The following NDUFAF1 variants were observed in gnomAD, a reference collection of about 807,000 sequenced individuals.
NDUFAF1 encodes the protein complex I intermediate-associated protein 30, mitochondrial.
NDUFAF1 carries 18 observed loss-of-function variants against 28.7 expected under a neutral mutation model. That is an observed-to-expected ratio of 0.63 (90% CI 0.43 to 0.93). The LOEUF is 0.93. Among genes scored for constraint, NDUFAF1 ranks in the 40% least tolerant of loss-of-function variants. The pLI is 0.00. For synonymous variants in NDUFAF1, 113 were observed against 139.7 expected (o/e 0.81, Z 1.35); for missense variants, 404 against 398.3 (o/e 1.01, Z -0.12).
At chr15:41,394,226 G>C (rs2050352939) in intron 3 of NDUFAF1, 2 of 504,518 alleles carry the variant, frequency 4.0e-6, no homozygotes, top group Non-Finnish European at 7.3e-6. Flanking sequence ...AGACAACAGG[G>C]TTTCTCCATG....
At chr15:41,399,238 TACAA>T (rs778964647) in intron 1 of NDUFAF1, among the ~76,000 whole-genome samples, 4 of 149,926 alleles carry the variant, frequency 2.7e-5, no homozygotes, top group Non-Finnish European at 5.9e-5. Context: ...CTACAGAAAA[TACAA>T]ACAATTAGCC....
intron 1 of NDUFAF1, among the ~76,000 whole-genome samples, chr15:41,399,577 G>A (rs1434265788): frequency 6.6e-6 from 1 of 150,518 alleles, no homozygotes; most frequent in Non-Finnish European, 1.5e-5. Context: ...AATACAGGCC[G>A]GGCGCGGTGG....
At position 41,396,483 on chromosome 15, in the gene NDUFAF1, C is replaced by T. The variant is rs1010207325; in HGVS notation, c.573+4G>A. The T allele has an allele frequency of 1.2e-6, 2 of 1,614,076 alleles. No homozygotes were observed. Among genetic ancestry groups the T allele is most frequent in the Non-Finnish European group, 1.7e-6 (2 of 1,179,966 alleles). On this transcript the variant is annotated splice_donor_region_variant and intron_variant, in intron 2 of 4. Transcript: ENST00000260361. The stretch of plus-strand genomic sequence containing the variant: ...GAAAACGATGGCTCCTGGGCCTCAC[C>T]TACCCTTGGAATCCTGGATATCATT...
rs1785152448 is a variant in NDUFAF1 at position 41,392,651 on chromosome 15, T to A, written c.759+2208A>T. Among the ~76,000 whole-genome samples the A allele has an allele frequency of 2.0e-5, 3 of 152,176 alleles. No homozygotes were observed. The South Asian group carries it at 6.2e-4, about 32-fold the overall frequency. Reference sequence around the variant, plus strand: ...GAAGGAGGATGTGTTTACTTCCCCTTCTGCCATGATTTTATAAGTTACCTA... The same window carrying A: ...GAAGGAGGATGTGTTTACTTCCCCTACTGCCATGATTTTATAAGTTACCTA... On this transcript the variant is annotated intron_variant, in intron 3 of 4. Transcript: ENST00000260361.
Position 41,402,364 on chromosome 15 carries a change from A to G in NDUFAF1, c.-302T>C, listed in dbSNP as rs568813766. On this transcript the variant is annotated 5_prime_UTR_variant, in exon 1 of 5. Coordinates refer to ENST00000260361, the MANE Select transcript of NDUFAF1 (RefSeq NM_016013.4). ...GGCTAGACGGTTCGCCGCGCTGGGG[A>G]GGCCCCCTCAACCCTCAAGTGCCAG... The G allele has an allele frequency of 1.1e-5, 5 of 453,428 alleles. No homozygotes were observed. Among genetic ancestry groups the G allele is most frequent in the Admixed American group, 2.4e-5 (1 of 42,550 alleles). The allele number at this position is 453,428 out of a possible 1,614,324, so 28.1% of individuals were successfully genotyped here.
Position 41,388,497 on chromosome 15 carries a change from G to C in NDUFAF1, c.785C>G (p.Ser262Cys), listed in dbSNP as rs201756363. 6.2e-7 allele frequency: 1 copy of C among 1,612,782 alleles called. No individual in the cohort carries two copies. The highest frequency in any genetic ancestry group is 2.2e-5 in the East Asian group (1 of 44,872). ...AACATCCCGGATTCTTCCTCGATTA[G>C]AGAAGAAAAATTTGGAAAAAGGAAT... ...VKIPFSKFFF[S>C]NRGRIRDVQH... The change falls in exon 4 of 5, where the codon TCT becomes TGT. Residue 262 changes from serine to cysteine, a missense_variant. Transcript: ENST00000260361.
intron 1 of NDUFAF1, among the ~76,000 whole-genome samples, chr15:41,399,234 A>C (rs1198040965): frequency 6.6e-6 from 1 of 151,894 alleles, no homozygotes; most frequent in Admixed American, 6.6e-5. Context: ...ACCCCTACAG[A>C]AAATACAAAC....
At chr15:41,398,149 A>C (rs1478858657) in intron 1 of NDUFAF1, among the ~76,000 whole-genome samples, 1 of 151,282 alleles carries the variant, frequency 6.6e-6, no homozygotes, top group Non-Finnish European at 1.5e-5. Flanking sequence ...GCTGGGCTGT[A>C]GGAATGATGC....
chr15:41,388,512 G>T lies in NDUFAF1; in HGVS notation c.770C>A (p.Ser257Tyr). 2.5e-6 allele frequency: 4 copies of T among 1,610,520 alleles called. No homozygotes were observed. The highest frequency in any genetic ancestry group is 3.4e-6 in the Non-Finnish European group (4 of 1,176,966). ...PYWQEVKIPFSKFFFSNRGRI... is the reference protein window; with the variant it reads ...PYWQEVKIPFYKFFFSNRGRI... Reference sequence around the variant, plus strand: ...TCCTCGATTAGAGAAGAAAAATTTGGAAAAAGGAATCTGAAAGAAGAAACC... The same window carrying T: ...TCCTCGATTAGAGAAGAAAAATTTGTAAAAAGGAATCTGAAAGAAGAAACC... Residue 257 changes from serine to tyrosine, a missense_variant, in exon 4 of 5, where the codon TCC (serine) becomes TAC (tyrosine). By Grantham distance (144) the Ser-to-Tyr change is moderately radical (BLOSUM62 -2). Transcript: ENST00000260361.
At chr15:41,389,009 T>C (rs923439653) in intron 3 of NDUFAF1, among the ~76,000 whole-genome samples, 1 of 152,138 alleles carries the variant, frequency 6.6e-6, no homozygotes, top group Non-Finnish European at 1.5e-5. Flanking sequence ...TTCATCAACT[T>C]TATTTTCATA....
chr15:41,400,486 C>T (rs1026541045), intron 1 of NDUFAF1, among the ~76,000 whole-genome samples: 2 of 151,538 alleles, frequency 1.3e-5, no homozygotes, highest in African/African-American at 2.4e-5. Flanking sequence ...GGATTACAGG[C>T]GTGAGCCACT....
At chr15:41,398,664 A>T (rs2050422717) in intron 1 of NDUFAF1, among the ~76,000 whole-genome samples, 1 of 151,976 alleles carries the variant, frequency 6.6e-6, no homozygotes, top group African/African-American at 2.4e-5. Flanking sequence ...AATTTTTTTA[A>T]AAAATGTTGG....
At chr15:41,397,912 C>A (rs1021250363) in intron 1 of NDUFAF1, among the ~76,000 whole-genome samples, 1 of 149,800 alleles carries the variant, frequency 6.7e-6, no homozygotes, top group Non-Finnish European at 1.5e-5. Flanking sequence ...GTGGTCCCAG[C>A]TACTAAGGAG....
At chr15:41,393,126 T>G (rs1051943710) in intron 3 of NDUFAF1, among the ~76,000 whole-genome samples, 2 of 146,320 alleles carry the variant, frequency 1.4e-5, no homozygotes, top group Non-Finnish European at 3.0e-5. Context: ...GTTGAGTTTT[T>G]TTTTTTTTTT....
At chr15:41,391,161 AT>A (rs1423156134) in intron 3 of NDUFAF1, among the ~76,000 whole-genome samples, 3 of 151,822 alleles carry the variant, frequency 2.0e-5, no homozygotes, top group Middle Eastern at 3.2e-3. Flanking sequence ...CATTATATAT[AT>A]ATTACTTAAA....
At chr15:41,401,869 G>A (rs2050468042) in intron 1 of NDUFAF1, among the ~76,000 whole-genome samples, 3 of 152,120 alleles carry the variant, frequency 2.0e-5, no homozygotes, top group Admixed American at 6.6e-5. Flanking sequence ...ATTCCCCCGC[G>A]CCGGTTGCAC....
intron 3 of NDUFAF1, chr15:41,394,352 G>C: frequency 7.8e-7 from 1 of 1,288,668 alleles, no homozygotes; most frequent in South Asian, 1.2e-5. Context: ...AACTTTAGCA[G>C]AGTTGCCTGG....
At chr15:41,388,379 C>CA in intron 4 of NDUFAF1, 69 bp downstream of exon 4, 3 of 1,223,444 alleles carry the variant, frequency 2.5e-6, no homozygotes, top group Non-Finnish European at 2.4e-6. Flanking sequence ...CAAATGAACT[C>CA]AGTCTCCCCA....
chr15:41,401,267 CT>C lies in NDUFAF1; in HGVS notation c.-82+876del, dbSNP rs755063294. On this transcript the variant is annotated intron_variant, in intron 1 of 4. Transcript: ENST00000260361. The stretch of plus-strand genomic sequence containing the variant: ...ACAGGCGTCAGCCACGGCGCCCAAC[CT>C]TTTTTTTTTTTTTTTTTTTTGAGAT... 2.2e-3 allele frequency among the ~76,000 whole-genome samples: 245 copies of C among 111,216 alleles called. 2 individuals carry two copies. Among genetic ancestry groups the C allele is most frequent in the African/African-American group, 5.3e-3 (169 of 31,594 alleles). 73.0% of individuals were successfully genotyped at this position (111,216 alleles called of 152,430 possible).
Sources: allele counts gnomAD v4.1 joint callset (sites outside exome capture counted in the v4.1 genomes callset), GRCh38; gene constraint gnomAD v4.1.1; transcripts MANE v1.5; gene names NCBI Gene and HGNC (gene_info 2026-07-23, HGNC 2026-07-21).